SARS2: variants seen among roughly 807,000 people sequenced by gnomAD.
SARS2 encodes serine--tRNA ligase, mitochondrial.
Under a neutral mutation model 66.8 loss-of-function variants are expected in SARS2, and 52 were observed. The ratio of observed to expected loss-of-function variants is 0.78; its 90% CI spans 0.62 to 0.98. The LOEUF (loss-of-function observed/expected upper bound fraction) is 0.98, where lower values mean the gene tolerates loss of function less well. SARS2 is among the 50% of genes least tolerant of loss of function. The pLI is 0.00. For synonymous variants in SARS2, 306 were observed against 281.4 expected (o/e 1.09, Z -0.87); for missense variants, 673 against 706.3 (o/e 0.95, Z 0.53).
At chr19:38,923,430 G>C (rs1974575742) in intron 2 of SARS2, among the ~76,000 whole-genome samples, 1 of 146,354 alleles carries the variant, frequency 6.8e-6, no homozygotes, top group Non-Finnish European at 1.5e-5. Flanking sequence ...CACCGTTTTA[G>C]CCGGGATGGT....
At position 38,930,504 on chromosome 19, in the gene SARS2, T is replaced by C. The variant is rs750444263; in HGVS notation, c.233A>G (p.Lys78Arg). ...EEAAHALELR[K>R]GELRSADLPA... ...CAGGTCCGCCGAGCGCAGCTCCCCCTTGCGGAGCTCCAGGGCGTGTGCGGC... is the reference window on the plus strand; with the variant it reads ...CAGGTCCGCCGAGCGCAGCTCCCCCCTGCGGAGCTCCAGGGCGTGTGCGGC... The change falls in exon 1 of 16, where the codon AAG becomes AGG. Residue 78 changes from lysine to arginine, a missense_variant. Physicochemically the swap from Lys to Arg is conservative, Grantham distance 26. Coordinates refer to ENST00000221431, the MANE Select transcript of SARS2 (RefSeq NM_017827.4). The C allele has an allele frequency of 1.2e-6, 2 of 1,610,008 alleles. No individual in the cohort carries two copies. The highest frequency in any genetic ancestry group is 3.3e-5 in the Admixed American group (2 of 59,968).
intron 2 of SARS2, among the ~76,000 whole-genome samples, 153 bp downstream of exon 2, chr19:38,926,052 C>G (rs919044321): frequency 6.6e-6 from 1 of 152,168 alleles, no homozygotes; most frequent in Non-Finnish European, 1.5e-5. Flanking sequence ...CTGACCTCAG[C>G]TGATCCACCA....
At position 38,916,131 on chromosome 19, in the gene SARS2, T is replaced by A. The variant is rs745674187; in HGVS notation, c.1255-2A>T. ...TGTGCAGTTGGAAGCACTGGTGACC[T>A]GGGGTGGAGGAGCGGCAGGCTGAGC... On this transcript the variant is annotated splice_acceptor_variant, in intron 13 of 15. Transcript: ENST00000221431. LOFTEE classifies it high-confidence loss of function. The A allele has an allele frequency of 6.2e-7, 1 of 1,613,894 alleles. No homozygotes were observed. The highest frequency in any genetic ancestry group is 1.1e-5 in the South Asian group (1 of 91,076).
intron 2 of SARS2, 73 bp from the exon 3 acceptor site, chr19:38,922,340 G>T: frequency 7.1e-7 from 1 of 1,414,462 alleles, no homozygotes. Context: ...AATGGTGAAA[G>T]GTCAAACAAG....
At chr19:38,917,656 C>G in intron 12 of SARS2, 68 bp downstream of exon 12, 1 of 971,904 alleles carries the variant, frequency 1.0e-6, no homozygotes, top group Admixed American at 1.8e-5. Context: ...CGAAGAGCAG[C>G]TGGCCAGCCC....
intron 2 of SARS2, 116 bp from the exon 3 acceptor site, chr19:38,922,383 G>A (rs2144773316): frequency 2.1e-6 from 2 of 949,094 alleles, no homozygotes; most frequent in South Asian, 2.6e-5. Context: ...CTCTGTCAGT[G>A]CCTAGCTGGG....
At chr19:38,923,866 C>T (rs970947536) in intron 2 of SARS2, among the ~76,000 whole-genome samples, 2 of 151,918 alleles carry the variant, frequency 1.3e-5, no homozygotes, top group South Asian at 2.1e-4. Flanking sequence ...CCCAGCTACT[C>T]GGGAGGCTGA....
chr19:38,916,314 C>G lies in SARS2; in HGVS notation c.1161G>C (p.Arg387=). 6.2e-7 allele frequency: 1 copy of G among 1,613,896 alleles called. No homozygotes were observed. The highest frequency in any genetic ancestry group is 8.5e-7 in the Non-Finnish European group (1 of 1,179,860). The change falls in exon 13 of 16, where the codon CGG becomes CGC. Residue 387 remains arginine (R), a splice_region_variant and synonymous_variant. Transcript: ENST00000221431. ...EILTELGLHF[R]VLDMPTQELG... ...GTTCTTGGGTGGGCATATCCAGGACCCTGCGGTCAAGGACGAAGGTGTGGG... is the reference window on the plus strand; with the variant it reads ...GTTCTTGGGTGGGCATATCCAGGACGCTGCGGTCAAGGACGAAGGTGTGGG...
At chr19:38,917,898 C>T (rs777975599) in intron 11 of SARS2, 23 bp downstream of exon 11, 28 of 1,613,238 alleles carry the variant, frequency 1.7e-5, no homozygotes, top group African/African-American at 6.7e-5. Context: ...ACCCCAGCCC[C>T]GTTTAGTCCC....
At chr19:38,927,940 G>A (rs1472775134) in intron 1 of SARS2, among the ~76,000 whole-genome samples, 2 of 152,200 alleles carry the variant, frequency 1.3e-5, no homozygotes, top group Non-Finnish European at 2.9e-5. Context: ...GGCCAAGGCA[G>A]GAGAATTGCT....
intron 1 of SARS2, among the ~76,000 whole-genome samples, 167 bp downstream of exon 1, chr19:38,930,303 A>C (rs1213075306): frequency 6.6e-6 from 1 of 152,238 alleles, no homozygotes; most frequent in African/African-American, 2.4e-5. Context: ...CTCAGCACTC[A>C]CTGGACAACT....
In SARS2 at chr19:38,930,515, C is replaced by T; in HGVS notation, c.222G>A (p.Leu74=). ...CACPEEAAHA[L]ELRKGELRSA... is the part of the protein sequence containing the mutation. ...AGCGCAGCTCCCCCTTGCGGAGCTC[C>T]AGGGCGTGTGCGGCCTCTTCTGGGC... is the stretch of plus-strand genomic sequence containing the variant. Residue 74 remains leucine, a synonymous_variant, in exon 1 of 16, where the codon CTG becomes CTA. Transcript: ENST00000221431. The T allele has an allele frequency of 6.2e-7, 1 of 1,612,638 alleles. No homozygotes were observed. Among genetic ancestry groups the T allele is most frequent in the Non-Finnish European group, 8.5e-7 (1 of 1,179,674 alleles).
At chr19:38,916,662 C>CA (rs1555743009) in intron 12 of SARS2, among the ~76,000 whole-genome samples, 10 of 115,826 alleles carry the variant, frequency 8.6e-5, no homozygotes, top group Non-Finnish European at 1.6e-4. Flanking sequence ...TAGGCACCCT[C>CA]GGTTTTTTTT....
At chr19:38,930,342 C>T in intron 1 of SARS2, 128 bp downstream of exon 1, 2 of 1,238,026 alleles carry the variant, frequency 1.6e-6, no homozygotes, top group Admixed American at 2.6e-5. Flanking sequence ...ATGCACAAGA[C>T]GTTGGCTAAC....
chr19:38,918,310 TG>T (rs1366174411), intron 9 of SARS2, 111 bp downstream of exon 9: 9 of 1,190,202 alleles, frequency 7.6e-6, no homozygotes. Flanking sequence ...ATGTTGGCCC[TG>T]GGGCTGCTGA....
rs10407222 is a variant in SARS2, at chr19:38,915,788, C to T, written c.1414-39G>A. 7,021 of 1,612,592 alleles carry T rather than the reference C, an allele frequency of 4.4e-3. 262 individuals are homozygous for T. The African/African-American group carries it at 0.078, about 18-fold the overall frequency. On this transcript the variant is annotated intron_variant, in intron 15 of 15. Coordinates refer to ENST00000221431, the MANE Select transcript of SARS2 (RefSeq NM_017827.4). The stretch of plus-strand genomic sequence containing the variant: ...AGACCTCAGGACACTGCAGATGCCC[C>T]AGCCCTCCCCGGCGCTGAGCTGCCT...
chr19:38,930,566 C>T lies in SARS2; in HGVS notation c.171G>A (p.Gln57=), dbSNP rs149228323. The T allele has an allele frequency of 9.9e-6, 16 of 1,613,834 alleles. No individual in the cohort carries two copies. The highest frequency in any genetic ancestry group is 9.9e-5 in the South Asian group (9 of 91,094). ...ATGCGCAGAACCGCTCTATGTCCAGCTGAGGGAGTGCGCTGTAGCCCTCGC... is the reference window on the plus strand; with the variant it reads ...ATGCGCAGAACCGCTCTATGTCCAGTTGAGGGAGTGCGCTGTAGCCCTCGC... ...YAREGYSALP[Q]LDIERFCACP... The change falls in exon 1 of 16, where the codon CAG becomes CAA. Residue 57 remains glutamine, a synonymous_variant. Coordinates refer to ENST00000221431, the MANE Select transcript of SARS2 (RefSeq NM_017827.4).
rs368080032 is a variant in SARS2 at position 38,920,139 on chromosome 19, G to C, written c.600C>G (p.Phe200Leu). The C allele has an allele frequency of 3.8e-6, 6 of 1,560,154 alleles. No homozygotes were observed. In the African/African-American group the frequency reaches 8.1e-5, roughly 21 times the overall value. ...CAATTTCCAGGTGGCCCCGAGGTTGGAAGGAGAAAACTGGATGTGGGTGAA... is the reference window on the plus strand; with the variant it reads ...CAATTTCCAGGTGGCCCCGAGGTTGCAAGGAGAAAACTGGATGTGGGTGAA... ...HMVGDKPVFS[F>L]QPRGHLEIGE... The change falls in exon 6 of 16, where the codon TTC becomes TTG. Residue 200 changes from phenylalanine (F) to leucine (L), a missense_variant. By Grantham distance (22) the Phe-to-Leu change is conservative. Coordinates refer to ENST00000221431, the MANE Select transcript of SARS2 (RefSeq NM_017827.4).
chr19:38,924,927 G>A (rs987063682), intron 2 of SARS2, among the ~76,000 whole-genome samples: 4 of 152,216 alleles, frequency 2.6e-5, no homozygotes, highest in Non-Finnish European at 5.9e-5. Flanking sequence ...ACCTGGTATG[G>A]TGTGTAGCGA....
Sources: allele counts gnomAD v4.1 joint callset (sites outside exome capture counted in the v4.1 genomes callset), GRCh38; gene constraint gnomAD v4.1.1; transcripts MANE v1.5; gene names NCBI Gene and HGNC (gene_info 2026-07-23, HGNC 2026-07-21).